The following YPEL1 variants were observed in gnomAD, a reference collection of about 807,000 sequenced individuals.
YPEL1 encodes protein yippee-like 1.
In YPEL1, 7 loss-of-function variants were observed where a neutral mutation model predicts 17.3. The observed-to-expected ratio is 0.40, with a 90% CI of 0.23 to 0.76. The LOEUF (loss-of-function observed/expected upper bound fraction) is 0.76, where lower values mean the gene tolerates loss of function less well. Among genes scored for constraint, YPEL1 ranks in the 30% least tolerant of loss-of-function variants. The pLI is 0.35. For missense variants in YPEL1, 91 were observed against 155.5 expected (o/e 0.59, Z 2.21); for synonymous variants, 59 against 59.6 (o/e 0.99, Z 0.05).
intron 1 of YPEL1, among the ~76,000 whole-genome samples, chr22:21,729,523 G>A (rs1054644607): frequency 6.7e-6 from 1 of 150,252 alleles, no homozygotes; most frequent in Non-Finnish European, 1.5e-5. Context: ...ATCACTTGAG[G>A]CCAGGAGGTC....
In YPEL1 at chr22:21,703,174, C is replaced by T. The variant is rs1439037149; in HGVS notation, c.270+196G>A. Among the ~76,000 whole-genome samples, 1 of 152,130 alleles carries T rather than the reference C, an allele frequency of 6.6e-6. No individual in the cohort carries two copies. The highest frequency in any genetic ancestry group is 1.5e-5 in the Non-Finnish European group (1 of 68,026). ...TGTTTTTTGTTTTGGGTTGGGGTAT[C>T]ACTGTCACCCAGGCTGGAGGGCAGT... On this transcript the variant is annotated intron_variant, in intron 4 of 4. Coordinates refer to ENST00000339468, the MANE Select transcript of YPEL1 (RefSeq NM_013313.5). The surrounding 1 kb of genome is among the most constrained non-coding windows in gnomAD (Gnocchi z 6.1).
intron 1 of YPEL1, among the ~76,000 whole-genome samples, chr22:21,733,635 T>C (rs1273804329): frequency 6.7e-6 from 1 of 150,244 alleles, no homozygotes; most frequent in African/African-American, 2.5e-5. Flanking sequence ...GGCAGGTGGA[T>C]GGCTTGAACC....
At chr22:21,726,759 C>T (rs2068339775) in intron 1 of YPEL1, among the ~76,000 whole-genome samples, 1 of 152,206 alleles carries the variant, frequency 6.6e-6, no homozygotes, top group African/African-American at 2.4e-5. Context: ...TGGGCTGTCC[C>T]CACAGCAAGT....
In YPEL1 at chr22:21,707,014, T is replaced by C. The variant is rs187762825; in HGVS notation, c.118-3132A>G. Among the ~76,000 whole-genome samples the C allele has an allele frequency of 7.5e-4, 114 of 152,130 alleles. 2 individuals carry two copies. Among genetic ancestry groups the C allele is most frequent in the Non-Finnish European group, 2.5e-4 (17 of 68,006 alleles). ...ACAACAGATGCCAAACTACTAACAG[T>C]GACATCTCCAAGGAATGGAGCCGGA... On this transcript the variant is annotated intron_variant, in intron 2 of 4. Coordinates refer to ENST00000339468, the MANE Select transcript of YPEL1 (RefSeq NM_013313.5).
intron 1 of YPEL1, among the ~76,000 whole-genome samples, chr22:21,734,957 A>C (rs1490671443): frequency 1.3e-5 from 2 of 152,110 alleles, no homozygotes; most frequent in African/African-American, 2.4e-5. Flanking sequence ...TGGGGCGGGG[A>C]AATTGATGTC....
In YPEL1 at chr22:21,699,171, G is replaced by A. The variant is rs971108703; in HGVS notation, c.*1958C>T. Reference sequence around the variant, plus strand: ...TGGACCGCAGGTCTGGGTTTAGGAAGGGCTGAAGTCGGGGGAGGTGTGAAG... The same window carrying A: ...TGGACCGCAGGTCTGGGTTTAGGAAAGGCTGAAGTCGGGGGAGGTGTGAAG... On this transcript the variant is annotated 3_prime_UTR_variant, in exon 5 of 5. Coordinates refer to ENST00000339468, the MANE Select transcript of YPEL1 (RefSeq NM_013313.5). 2 of 150,132 alleles carry A rather than the reference G, an allele frequency of 1.3e-5. No homozygotes were observed. The highest frequency in any genetic ancestry group is 5.1e-5 in the African/African-American group (2 of 39,184). 9.3% of individuals were successfully genotyped at this position (150,132 alleles called of 1,614,324 possible). A position where few individuals can be genotyped will look rare whatever the true frequency, so the allele number is the denominator to read the frequency against.
chr22:21,705,731 C>A lies in YPEL1; in HGVS notation c.118-1849G>T, dbSNP rs565286689. 5.3e-5 allele frequency among the ~76,000 whole-genome samples: 8 copies of A among 152,224 alleles called. No homozygotes were observed. In the East Asian group the frequency reaches 5.8e-4, roughly 11 times the overall value. On this transcript the variant is annotated intron_variant, in intron 2 of 4. Coordinates refer to ENST00000339468, the MANE Select transcript of YPEL1 (RefSeq NM_013313.5). ...TTAGGAAAACAAACAACAACAACAACAAAAACGGGCTGAGGCAGGAGGATT... is the reference window on the plus strand; with the variant it reads ...TTAGGAAAACAAACAACAACAACAAAAAAAACGGGCTGAGGCAGGAGGATT...
intron 1 of YPEL1, among the ~76,000 whole-genome samples, chr22:21,718,570 G>A (rs937593128): frequency 6.6e-6 from 1 of 152,156 alleles, no homozygotes; most frequent in African/African-American, 2.4e-5. Flanking sequence ...GACCACAGGT[G>A]GATACAGACA....
At chr22:21,704,016 T>TC in intron 2 of YPEL1, 134 bp from the exon 3 acceptor site, 3 of 967,184 alleles carry the variant, frequency 3.1e-6, no homozygotes, top group South Asian at 1.4e-5. Flanking sequence ...GACACCGGCG[T>TC]CCCCCCTCCA....
In YPEL1 at chr22:21,703,713, G is replaced by GT. The variant is rs140645955; in HGVS notation, c.161+125_161+126insA. On this transcript the variant is annotated intron_variant, in intron 3 of 4. Coordinates refer to ENST00000339468, the MANE Select transcript of YPEL1 (RefSeq NM_013313.5). The surrounding 1 kb of genome is among the most constrained non-coding windows in gnomAD (Gnocchi z 6.1). ...TAGCGCGTTTCAGAAACTCCCGGCG[G>GT]GGGGATGGTGGGTTCTTTCAGGACC... 1.8e-6 allele frequency: 2 copies of GT among 1,114,962 alleles called. No homozygotes were observed. The highest frequency in any genetic ancestry group is 2.6e-6 in the Non-Finnish European group (2 of 782,716). 69.1% of individuals were successfully genotyped at this position (1,114,962 alleles called of 1,614,324 possible).
In YPEL1 at chr22:21,710,897, G is replaced by A. The variant is rs186536735; in HGVS notation, c.-153C>T. On this transcript the variant is annotated 5_prime_UTR_variant, in exon 2 of 5. Coordinates refer to ENST00000339468, the MANE Select transcript of YPEL1 (RefSeq NM_013313.5). ...CACTGTCCACACAGCTGGGACGAGA[G>A]AAAAACGTAACCTGCCAACCAATCA... The A allele has an allele frequency of 3.3e-4, 231 of 701,280 alleles. No individual in the cohort carries two copies. In the African/African-American group the frequency reaches 3.7e-3, roughly 11 times the overall value. 43.4% of individuals were successfully genotyped at this position (701,280 alleles called of 1,614,324 possible).
Position 21,697,669 on chromosome 22 carries a change from A to T in YPEL1, c.*3460T>A, listed in dbSNP as rs2067991575. On this transcript the variant is annotated 3_prime_UTR_variant, in exon 5 of 5. Coordinates refer to ENST00000339468, the MANE Select transcript of YPEL1 (RefSeq NM_013313.5). ...CTCGGCAGTCCTGCTCCTTGCAGTG[A>T]AGCCACCATGGGTGACCGTCCAGCC... The T allele has an allele frequency of 6.5e-6, 1 of 152,674 alleles. No homozygotes were observed. Among genetic ancestry groups the T allele is most frequent in the Admixed American group, 6.5e-5 (1 of 15,288 alleles). 9.5% of individuals were successfully genotyped at this position (152,674 alleles called of 1,614,324 possible). A position where few individuals can be genotyped will look rare whatever the true frequency, so the allele number is the denominator to read the frequency against.
At chr22:21,714,046 GC>G (rs1221063426) in intron 1 of YPEL1, among the ~76,000 whole-genome samples, 1 of 131,094 alleles carries the variant, frequency 7.6e-6, no homozygotes, top group Non-Finnish European at 1.6e-5. Context: ...ACCCCCCACC[GC>G]CCCCCACCCC....
intron 1 of YPEL1, among the ~76,000 whole-genome samples, chr22:21,723,454 G>A (rs1384349559): frequency 1.3e-5 from 2 of 152,034 alleles, no homozygotes; most frequent in Non-Finnish European, 2.9e-5. Flanking sequence ...TGCAGTCTCT[G>A]CCTCCTGGGT....
chr22:21,732,323 C>A (rs894806464), intron 1 of YPEL1, among the ~76,000 whole-genome samples: 4 of 152,188 alleles, frequency 2.6e-5, no homozygotes, highest in African/African-American at 9.7e-5. Flanking sequence ...CTCCCTAGAG[C>A]TTTCACTGAT....
At chr22:21,730,553 C>A (rs547968924) in intron 1 of YPEL1, among the ~76,000 whole-genome samples, 1 of 152,198 alleles carries the variant, frequency 6.6e-6, no homozygotes, top group Non-Finnish European at 1.5e-5. Flanking sequence ...TCACATAGTA[C>A]ATGAAGTCAC....
At chr22:21,705,929 A>C (rs938365645) in intron 2 of YPEL1, among the ~76,000 whole-genome samples, 1 of 152,072 alleles carries the variant, frequency 6.6e-6, no homozygotes, top group African/African-American at 2.4e-5. Flanking sequence ...CAGGATTTTA[A>C]GACAAGCCTG....
At position 21,701,204 on chromosome 22, in the gene YPEL1, C is replaced by T. The variant is rs1347373967; in HGVS notation, c.285G>A (p.Glu95=). The part of the protein sequence containing the change: ...TLGWKYEHAF[E]SSQKYKEGKF... ...TTCCTTCCTTATATTTCTGACTGCT[C>T]TCAAAGGCATGCTCCTTGAAAAAGA... Residue 95 remains glutamate, a synonymous_variant, in exon 5 of 5, where the codon GAG becomes GAA. Transcript: ENST00000339468. The T allele has an allele frequency of 2.5e-6, 4 of 1,613,696 alleles. No individual in the cohort carries two copies. The highest frequency in any genetic ancestry group is 3.4e-6 in the Non-Finnish European group (4 of 1,179,672).
Position 21,700,070 on chromosome 22 carries a change from C to A in YPEL1, c.*1059G>T, listed in dbSNP as rs1445007051. 2.6e-5 allele frequency: 4 copies of A among 152,374 alleles called. No homozygotes were observed. Among genetic ancestry groups the A allele is most frequent in the African/African-American group, 9.7e-5 (4 of 41,446 alleles). The allele number at this position is 152,374 out of a possible 1,614,324, so 9.4% of individuals were successfully genotyped here. On this transcript the variant is annotated 3_prime_UTR_variant, in exon 5 of 5. Transcript: ENST00000339468. ...ATCTGTGCTGGCCTCTGTTTTTGAA[C>A]AAGCTAAAAACCAAAAATGCCCTTA...
Sources: allele counts gnomAD v4.1 joint callset (sites outside exome capture counted in the v4.1 genomes callset), GRCh38; gene constraint gnomAD v4.1.1; non-coding constraint Gnocchi (gnomAD v3.1); transcripts MANE v1.5; gene names NCBI Gene and HGNC (gene_info 2026-07-23, HGNC 2026-07-21).